EML6: variants seen among roughly 807,000 people sequenced by gnomAD.
EML6 encodes echinoderm microtubule-associated protein-like 6.
In EML6, 154 loss-of-function variants were observed where a neutral mutation model predicts 240.1. The ratio of observed to expected loss-of-function variants is 0.64; its 90% CI spans 0.56 to 0.73. The LOEUF is 0.73. EML6 is among the 30% of genes least tolerant of loss of function. EML6 has a pLI of 0.00. For missense variants in EML6, 2,964 were observed against 2,474.6 expected (o/e 1.20, Z -4.20); for synonymous variants, 1,148 against 899.0 (o/e 1.28, Z -4.95).
At chr2:54,929,041 G>T (rs1674716179) in intron 28 of EML6, among the ~76,000 whole-genome samples, 1 of 152,138 alleles carries the variant, frequency 6.6e-6, no homozygotes, top group Non-Finnish European at 1.5e-5. Context: ...AAATGCTAGG[G>T]TAGCCCCAAA....
intron 19 of EML6, among the ~76,000 whole-genome samples, 174 bp from the exon 20 acceptor site, chr2:54,894,741 A>T (rs1672669705): frequency 6.6e-6 from 1 of 152,170 alleles, no homozygotes; most frequent in Non-Finnish European, 1.5e-5. Context: ...AGTATGGGAG[A>T]AATGCTCCCA....
At chr2:54,950,997 T>A (rs1675946224) in intron 30 of EML6, among the ~76,000 whole-genome samples, 1 of 152,082 alleles carries the variant, frequency 6.6e-6, no homozygotes, top group Admixed American at 6.5e-5. Flanking sequence ...CACCTCATCA[T>A]AGGCCCTAGA....
rs145115554 is a variant in EML6 at position 54,751,062 on chromosome 2, T to C, written c.197+25804T>C. Among the ~76,000 whole-genome samples the C allele has an allele frequency of 2.3e-3, 346 of 152,342 alleles. 1 individual carries two copies. The highest frequency in any genetic ancestry group is 0.014 in the Middle Eastern group (4 of 294). ...ATAGGATGTTGAGCTTGACGCATCA[T>C]TCAGAGAACAGATGAGTCCAGGAAA... On this transcript the variant is annotated intron_variant, in intron 2 of 41. Coordinates refer to ENST00000356458, the MANE Select transcript of EML6 (RefSeq NM_001039753.4).
At chr2:54,748,838 C>T (rs1415358486) in intron 2 of EML6, among the ~76,000 whole-genome samples, 1 of 152,186 alleles carries the variant, frequency 6.6e-6, no homozygotes, top group African/African-American at 2.4e-5. Flanking sequence ...GCTGGGATTA[C>T]AGGTCTGCGC....
At chr2:54,842,322 T>C (rs570198298) in intron 7 of EML6, among the ~76,000 whole-genome samples, 1 of 152,368 alleles carries the variant, frequency 6.6e-6, no homozygotes, top group South Asian at 2.1e-4. Context: ...TTGATAGAAC[T>C]ATTTAGTAGG....
At chr2:54,942,372 C>T (rs986030869) in intron 28 of EML6, among the ~76,000 whole-genome samples, 6 of 152,132 alleles carry the variant, frequency 3.9e-5, no homozygotes, top group Admixed American at 6.6e-5. Flanking sequence ...AGTGACTCTC[C>T]GAAGACTGTG....
In EML6 at chr2:54,755,351, A is replaced by G. The variant is rs567312199; in HGVS notation, c.197+30093A>G. On this transcript the variant is annotated intron_variant, in intron 2 of 41. Coordinates refer to ENST00000356458, the MANE Select transcript of EML6 (RefSeq NM_001039753.4). ...GTCTTGAGTATTCTGCGTCCTTTGT[A>G]TTTCTGTATCAGTTTTAGAATTGAT... is the stretch of plus-strand genomic sequence containing the variant. Among the ~76,000 whole-genome samples, 4 of 152,174 alleles carry G rather than the reference A, an allele frequency of 2.6e-5. No individual in the cohort carries two copies. In the East Asian group the frequency reaches 7.7e-4, roughly 29 times the overall value.
chr2:54,806,842 A>G (rs527361973), intron 2 of EML6, among the ~76,000 whole-genome samples: 14 of 152,176 alleles, frequency 9.2e-5, no homozygotes, highest in African/African-American at 2.7e-4. Context: ...TATGGATGAG[A>G]AACTGGGGCA....
intron 17 of EML6, among the ~76,000 whole-genome samples, chr2:54,884,945 A>T (rs927594691): frequency 1.3e-5 from 2 of 152,034 alleles, no homozygotes; most frequent in Admixed American, 1.3e-4. Context: ...AGGCTGAGGC[A>T]GGTGGATCAC....
At chr2:54,911,721 G>C (rs1673652009) in intron 25 of EML6, among the ~76,000 whole-genome samples, 1 of 152,186 alleles carries the variant, frequency 6.6e-6, no homozygotes, top group African/African-American at 2.4e-5. Flanking sequence ...ACAGACGTGA[G>C]CCACCGTGTC....
chr2:54,740,949 A>G (rs1232126393), intron 2 of EML6, among the ~76,000 whole-genome samples: 2 of 152,168 alleles, frequency 1.3e-5, no homozygotes, highest in Non-Finnish European at 2.9e-5. Context: ...TATAAATTCT[A>G]TAAATTTATA....
At position 54,928,387 on chromosome 2, in the gene EML6, C is replaced by G. The variant is rs1000749378; in HGVS notation, c.3750C>G (p.Asp1250Glu). ...CTAACGTGAGGTGGCTGCACAATGA[C>G]TCTGTGCTGCTCACGGTGGGCGGCG... ...HVTNVRWLHN[D>E]SVLLTVGGAD... The change falls in exon 27 of 42, where the codon GAC becomes GAG. Residue 1250 changes from aspartate (D) to glutamate (E), a missense_variant. Asp to Glu is a conservative substitution (Grantham distance 45). Coordinates refer to ENST00000356458, the MANE Select transcript of EML6 (RefSeq NM_001039753.4). The G allele has an allele frequency of 7.7e-6, 12 of 1,551,782 alleles. No individual in the cohort carries two copies. The South Asian group carries it at 1.4e-4, about 18-fold the overall frequency.
At chr2:54,790,995 A>G (rs962438490) in intron 2 of EML6, among the ~76,000 whole-genome samples, 3 of 151,708 alleles carry the variant, frequency 2.0e-5, no homozygotes, top group African/African-American at 4.8e-5. Context: ...AAAGTGCTGG[A>G]ATTACAGGCG....
intron 28 of EML6, among the ~76,000 whole-genome samples, chr2:54,937,802 C>A (rs189285107): frequency 6.6e-6 from 1 of 152,120 alleles, no homozygotes; most frequent in Non-Finnish European, 1.5e-5. Context: ...TTTTTATATA[C>A]TCTATCAATC....
intron 32 of EML6, among the ~76,000 whole-genome samples, chr2:54,956,158 G>A (rs1297112399): frequency 1.3e-5 from 2 of 152,176 alleles, no homozygotes; most frequent in Non-Finnish European, 2.9e-5. Flanking sequence ...GGATACAGGT[G>A]TCTCCACAAT....
intron 16 of EML6, among the ~76,000 whole-genome samples, chr2:54,872,646 C>T (rs536448760): frequency 6.6e-6 from 1 of 152,304 alleles, no homozygotes; most frequent in South Asian, 2.1e-4. Flanking sequence ...ATGATCTGGC[C>T]TTAACCTTCC....
intron 41 of EML6, among the ~76,000 whole-genome samples, chr2:54,969,563 C>G (rs541546194): frequency 1.3e-5 from 2 of 152,280 alleles, no homozygotes; most frequent in South Asian, 2.1e-4. Context: ...CAGCACCAAC[C>G]CAATTGTGAA....
intron 16 of EML6, among the ~76,000 whole-genome samples, chr2:54,876,516 C>T (rs917809901): frequency 6.6e-6 from 1 of 152,190 alleles, no homozygotes; most frequent in Non-Finnish European, 1.5e-5. Context: ...CCGGCAAAAT[C>T]AGCTTATCCT....
chr2:54,925,294 T>C (rs1245080288), intron 26 of EML6, among the ~76,000 whole-genome samples: 1 of 152,180 alleles, frequency 6.6e-6, no homozygotes, highest in Non-Finnish European at 1.5e-5. Flanking sequence ...CACCTTCATC[T>C]TGCCCAGCCT....
Sources: allele counts gnomAD v4.1 joint callset (sites outside exome capture counted in the v4.1 genomes callset), GRCh38; gene constraint gnomAD v4.1.1; transcripts MANE v1.5; gene names NCBI Gene and HGNC (gene_info 2026-07-23, HGNC 2026-07-21).